KIF20B: variants seen among roughly 807,000 people sequenced by gnomAD.
KIF20B encodes kinesin-like protein KIF20B.
Under a neutral mutation model 232.5 loss-of-function variants are expected in KIF20B, and 188 were observed. The ratio of observed to expected loss-of-function variants is 0.81; its 90% CI spans 0.72 to 0.91. The LOEUF is 0.91. KIF20B is among the 40% of genes least tolerant of loss of function. The pLI is 0.00. For missense variants in KIF20B, 2,154 were observed against 2,055.9 expected, an observed-to-expected ratio of 1.05 and a Z score of -0.92; for synonymous variants, 712 against 683.0, an observed-to-expected ratio of 1.04 and a Z score of -0.66.
rs535028905 is a variant in KIF20B, at chr10:89,747,723, G to A, written c.4096+1764G>A. 2.2e-4 allele frequency among the ~76,000 whole-genome samples: 33 copies of A among 151,404 alleles called. No individual in the cohort carries two copies. The East Asian group carries it at 6.3e-3, about 29-fold the overall frequency. ...GACACAGGAAGGGGAACATCACACT[G>A]TGGGGACTGTTATGGGGTGGGGGGA... On this transcript the variant is annotated intron_variant, in intron 23 of 32. Coordinates refer to ENST00000371728, the MANE Select transcript of KIF20B (RefSeq NM_001284259.2).
intron 13 of KIF20B, among the ~76,000 whole-genome samples, chr10:89,722,680 ATAAAT>A (rs985312654): frequency 1.3e-4 from 20 of 152,206 alleles, no homozygotes; most frequent in African/African-American, 4.8e-4. Flanking sequence ...AAAAAAATAA[ATAAAT>A]AAAATAAACA....
intron 25 of KIF20B, among the ~76,000 whole-genome samples, chr10:89,753,878 A>C (rs1842070448): frequency 6.6e-6 from 1 of 152,128 alleles, no homozygotes; most frequent in African/African-American, 2.4e-5. Context: ...TTGGCCTCCC[A>C]AACTGCTGGA....
At chr10:89,703,578 G>A (rs1244664711) in intron 1 of KIF20B, among the ~76,000 whole-genome samples, 4 of 152,178 alleles carry the variant, frequency 2.6e-5, no homozygotes, top group Non-Finnish European at 5.9e-5. Context: ...AAGGGCAGCA[G>A]TGGCTTGGGG....
At chr10:89,761,314 G>A (rs946596972) in intron 28 of KIF20B, among the ~76,000 whole-genome samples, 2 of 151,908 alleles carry the variant, frequency 1.3e-5, no homozygotes, top group African/African-American at 2.4e-5. Flanking sequence ...TTACTTCATG[G>A]GCTAAGTGTT....
rs528668353 is a variant in KIF20B at position 89,768,797 on chromosome 10, T to G, written c.5151T>G (p.Ile1717Met). 1 of 1,608,568 alleles carries G rather than the reference T, an allele frequency of 6.2e-7. No individual in the cohort carries two copies. Among genetic ancestry groups the G allele is most frequent in the South Asian group, 1.1e-5 (1 of 89,722 alleles). ...TYSLRSQASI[I>M]GVNLATKKKE... The stretch of plus-strand genomic sequence containing the variant: ...CTTTACGGAGTCAGGCATCCATAAT[T>G]GGTGTAAACCTGGCCACTAAGAAAA... The change falls in exon 31 of 33, where the codon ATT (isoleucine) becomes ATG (methionine). Residue 1717 changes from isoleucine to methionine, a missense_variant. By Grantham distance (10) the Ile-to-Met change is conservative. Transcript: ENST00000371728.
chr10:89,712,151 TA>T (rs1463526704), intron 6 of KIF20B, among the ~76,000 whole-genome samples: 1 of 152,110 alleles, frequency 6.6e-6, no homozygotes, highest in East Asian at 1.9e-4. Flanking sequence ...AAAATGTATT[TA>T]AAAAAATGAA....
chr10:89,750,910 T>C (rs1480097548), intron 23 of KIF20B, among the ~76,000 whole-genome samples: 3 of 152,146 alleles, frequency 2.0e-5, no homozygotes, highest in African/African-American at 7.2e-5. Context: ...AAATTGGGAT[T>C]GAGCTTTTTT....
chr10:89,707,579 C>G (rs1379353209), intron 2 of KIF20B, among the ~76,000 whole-genome samples: 1 of 149,102 alleles, frequency 6.7e-6, no homozygotes, highest in Non-Finnish European at 1.5e-5. Flanking sequence ...TCCCTTTTAC[C>G]TTTCTTTTTC....
intron 31 of KIF20B, 71 bp downstream of exon 31, chr10:89,768,959 A>T (rs1343997495): frequency 1.6e-6 from 2 of 1,261,074 alleles, no homozygotes; most frequent in East Asian, 4.7e-5. Flanking sequence ...TAATTGATAT[A>T]TAAACTCAAC....
rs895188501 is a variant in KIF20B, at chr10:89,761,414, G to A, written c.4791+778G>A. The stretch of plus-strand genomic sequence containing the variant: ...GTGTTTGTGGAAATGGATTAAAGAA[G>A]GTGATACCATATTGTATCTTATGAA... On this transcript the variant is annotated intron_variant, in intron 28 of 32. Transcript: ENST00000371728. 4.6e-5 allele frequency among the ~76,000 whole-genome samples: 7 copies of A among 151,680 alleles called. No homozygotes were observed. The South Asian group carries it at 1.2e-3, about 27-fold the overall frequency.
chr10:89,718,367 C>T (rs1210972673), intron 11 of KIF20B, among the ~76,000 whole-genome samples: 1 of 151,916 alleles, frequency 6.6e-6, no homozygotes, highest in African/African-American at 2.4e-5. Context: ...AAAAATTAAC[C>T]AGGTGTGGTG....
In KIF20B at chr10:89,760,549, G is replaced by A. The variant is rs1295036049; in HGVS notation, c.4704G>A (p.Lys1568=). The A allele has an allele frequency of 1.9e-6, 3 of 1,612,330 alleles. No individual in the cohort carries two copies. Among genetic ancestry groups the A allele is most frequent in the Non-Finnish European group, 2.5e-6 (3 of 1,178,750 alleles). ...AGGAAACACAAATCATGGATATCAAGCCCAAACGTATTAGTTCAGCAGATC... is the reference window on the plus strand; with the variant it reads ...AGGAAACACAAATCATGGATATCAAACCCAAACGTATTAGTTCAGCAGATC... The part of the protein sequence containing the change: ...SKIETQIMDI[K]PKRISSADPD... The change falls in exon 28 of 33, where the codon AAG becomes AAA. Residue 1568 remains lysine (K), a synonymous_variant. Coordinates refer to ENST00000371728, the MANE Select transcript of KIF20B (RefSeq NM_001284259.2).
chr10:89,724,181 CT>C, intron 14 of KIF20B, 78 bp downstream of exon 14: 1 of 1,290,530 alleles, frequency 7.7e-7, no homozygotes, highest in East Asian at 2.8e-5. Flanking sequence ...ACTTAGTTTA[CT>C]TTTTATATTA....
At chr10:89,732,634 T>C (rs1012693819) in intron 18 of KIF20B, among the ~76,000 whole-genome samples, 2 of 152,170 alleles carry the variant, frequency 1.3e-5, no homozygotes, top group Non-Finnish European at 2.9e-5. Flanking sequence ...ACAAAATAAA[T>C]AGTTGAGTTC....
intron 6 of KIF20B, among the ~76,000 whole-genome samples, chr10:89,713,748 T>C (rs537708529): frequency 1.8e-4 from 27 of 152,288 alleles, no homozygotes; most frequent in Non-Finnish European, 3.4e-4. Context: ...TTTTTAATTA[T>C]GGGGAGAAAA....
intron 21 of KIF20B, among the ~76,000 whole-genome samples, chr10:89,739,660 C>CTT (rs200053232): frequency 0.044 from 6,160 of 139,716 alleles, 184 homozygotes; most frequent in South Asian, 0.081. Flanking sequence ...GATTGGAGCA[C>CTT]TTTTTTTTTT....
In KIF20B at chr10:89,768,716, CAA is replaced by C; in HGVS notation, c.5092-17_5092-16del. On this transcript the variant is annotated intron_variant, in intron 30 of 32. Transcript: ENST00000371728. ...TTCTAACACTTCTCATCAACAATAA[CAA>C]AAAATGTTTTGTTTATTAGGTTGCC... 6.4e-7 allele frequency: 1 copy of C among 1,564,474 alleles called. No homozygotes were observed. The highest frequency in any genetic ancestry group is 8.6e-7 in the Non-Finnish European group (1 of 1,160,906).
chr10:89,716,846 C>T (rs1362073404), intron 9 of KIF20B, among the ~76,000 whole-genome samples: 1 of 152,112 alleles, frequency 6.6e-6, no homozygotes. Flanking sequence ...TTCTCTGGGT[C>T]TTTCTCACTT....
Position 89,739,061 on chromosome 10 carries a change from GA to G in KIF20B, c.3881del (p.Asp1294ValfsTer15), listed in dbSNP as rs1202311827. 6.2e-7 allele frequency: 1 copy of G among 1,613,110 alleles called. No homozygotes were observed. ...DYADLKEKLT[D>X]AKKQIKQVQK... ...TGCTGACCTGAAAGAGAAACTGACT[GA>G]TGCCAAAAAGCAGATTAAGCAAGTA... is the stretch of plus-strand genomic sequence containing the variant. On this transcript the variant is annotated frameshift_variant, in exon 21 of 33. Transcript: ENST00000371728. LOFTEE classifies it high-confidence loss of function.
Sources: allele counts gnomAD v4.1 joint callset (sites outside exome capture counted in the v4.1 genomes callset), GRCh38; gene constraint gnomAD v4.1.1; transcripts MANE v1.5; gene names NCBI Gene and HGNC (gene_info 2026-07-23, HGNC 2026-07-21).